Variants in COG5 observed in about 807,000 individuals in gnomAD.
The protein encoded by COG5 is component of oligomeric golgi complex 5, also known as conserved oligomeric Golgi complex subunit 5.
A neutral mutation model predicts 110.4 loss-of-function variants in COG5; 86 were observed. That is an observed-to-expected ratio of 0.78 (90% CI 0.65 to 0.93). The LOEUF (loss-of-function observed/expected upper bound fraction) is 0.93, where lower values mean the gene tolerates loss of function less well. Ranked by LOEUF, COG5 falls within the 40% of genes least tolerant of loss-of-function variation. The pLI is 0.00. For missense variants in COG5, 1,077 were observed against 987.0 expected (o/e 1.09, Z -1.22); for synonymous variants, 360 against 334.6 (o/e 1.08, Z -0.83).
intron 18 of COG5, among the ~76,000 whole-genome samples, chr7:107,235,995 T>C (rs935223635): frequency 6.6e-6 from 1 of 152,192 alleles, no homozygotes; most frequent in Non-Finnish European, 1.5e-5. Context: ...TCAGACTCTA[T>C]GTCTACCTGG....
intron 6 of COG5, among the ~76,000 whole-genome samples, chr7:107,487,847 T>C (rs568387382): frequency 2.5e-4 from 38 of 152,244 alleles, no homozygotes; most frequent in African/African-American, 8.9e-4. Context: ...CATGGCATTA[T>C]GTCCATAATG....
intron 10 of COG5, among the ~76,000 whole-genome samples, chr7:107,353,281 C>T (rs984593442): frequency 5.9e-5 from 9 of 151,644 alleles, no homozygotes; most frequent in African/African-American, 1.5e-4. Context: ...AAAAATTAGC[C>T]GGGCGAGGTG....
At chr7:107,261,631 T>A (rs1803359580) in intron 14 of COG5, among the ~76,000 whole-genome samples, 1 of 152,170 alleles carries the variant, frequency 6.6e-6, no homozygotes, top group South Asian at 2.1e-4. Flanking sequence ...AATATTCAAA[T>A]AGATGATCCT....
intron 14 of COG5, among the ~76,000 whole-genome samples, chr7:107,268,587 C>T (rs1292278644): frequency 6.6e-6 from 1 of 152,152 alleles, no homozygotes; most frequent in Non-Finnish European, 1.5e-5. Context: ...CCCTCTTCCC[C>T]ACCACAGTCT....
At chr7:107,513,190 C>T (rs1432537870) in intron 6 of COG5, among the ~76,000 whole-genome samples, 1 of 152,092 alleles carries the variant, frequency 6.6e-6, no homozygotes, top group Non-Finnish European at 1.5e-5. Flanking sequence ...TGAACTCAAA[C>T]AAATTTACAA....
chr7:107,281,178 T>G, intron 14 of COG5, 122 bp downstream of exon 14: 1 of 759,542 alleles, frequency 1.3e-6, no homozygotes. Context: ...TTACAAACTT[T>G]CACTACAGTA....
chr7:107,368,198 A>T (rs778406627), intron 8 of COG5, among the ~76,000 whole-genome samples: 7 of 152,002 alleles, frequency 4.6e-5, no homozygotes, highest in Non-Finnish European at 8.8e-5. Flanking sequence ...TGGAGGTATC[A>T]ATTAGGATCT....
intron 6 of COG5, among the ~76,000 whole-genome samples, chr7:107,441,365 T>A (rs1374870844): frequency 6.6e-6 from 1 of 152,030 alleles, no homozygotes; most frequent in South Asian, 2.1e-4. Context: ...CTGGGACTTA[T>A]AACTGCCATC....
At position 107,500,575 on chromosome 7, in the gene COG5, A is replaced by C. The variant is rs201226576; in HGVS notation, c.538+26662T>G. 2.6e-4 allele frequency among the ~76,000 whole-genome samples: 40 copies of C among 152,294 alleles called. No homozygotes were observed. In the East Asian group the frequency reaches 7.5e-3, roughly 29 times the overall value. On this transcript the variant is annotated intron_variant, in intron 6 of 21. Coordinates refer to ENST00000297135, the MANE Select transcript of COG5 (RefSeq NM_006348.5). The stretch of plus-strand genomic sequence containing the variant: ...TTTTAGAGAATGGTTTACCAGATAT[A>C]ATAATTTCAGGGTTTTTTCCAACAG...
chr7:107,415,761 T>A (rs1446332898), intron 6 of COG5, among the ~76,000 whole-genome samples: 2 of 145,262 alleles, frequency 1.4e-5, no homozygotes. Flanking sequence ...TATATATGTA[T>A]GTGTGTATAT....
At chr7:107,451,052 A>G (rs922317055) in intron 6 of COG5, among the ~76,000 whole-genome samples, 1 of 152,206 alleles carries the variant, frequency 6.6e-6, no homozygotes, top group African/African-American at 2.4e-5. Context: ...AGAGAACTCC[A>G]ATAGAGAGAA....
chr7:107,241,600 C>T (rs947904996), intron 17 of COG5, among the ~76,000 whole-genome samples: 23 of 151,608 alleles, frequency 1.5e-4, no homozygotes, highest in Non-Finnish European at 2.5e-4. Context: ...TACAGGCGCC[C>T]GCCACCACGC....
chr7:107,277,804 T>A (rs1181574498), intron 14 of COG5, among the ~76,000 whole-genome samples: 1 of 152,150 alleles, frequency 6.6e-6, no homozygotes, highest in African/African-American at 2.4e-5. Context: ...GATTTATCCT[T>A]ACAGAGATTT....
At chr7:107,386,104 C>T (rs1048970644) in intron 7 of COG5, among the ~76,000 whole-genome samples, 1 of 151,654 alleles carries the variant, frequency 6.6e-6, no homozygotes, top group South Asian at 2.1e-4. Flanking sequence ...AAGGTTTTTA[C>T]AAAAGCCTCA....
At chr7:107,410,464 T>C (rs753301651) in intron 7 of COG5, among the ~76,000 whole-genome samples, 3 of 152,106 alleles carry the variant, frequency 2.0e-5, no homozygotes, top group Non-Finnish European at 4.4e-5. Flanking sequence ...GTTTTTGAGA[T>C]GGAGTTTTGC....
chr7:107,270,647 C>T (rs184199469), intron 14 of COG5, among the ~76,000 whole-genome samples: 3 of 148,800 alleles, frequency 2.0e-5, no homozygotes, highest in Admixed American at 6.7e-5. Flanking sequence ...ACACACACAC[C>T]CCTTTACTCC....
intron 6 of COG5, among the ~76,000 whole-genome samples, chr7:107,513,912 A>G (rs10238362): frequency 0.57 from 84,309 of 148,086 alleles, 25,757 homozygotes; most frequent in African/African-American, 0.81. Context: ...GTGGGGGAAG[A>G]GGGGAGGGAA....
At chr7:107,497,166 C>T (rs902521215) in intron 6 of COG5, among the ~76,000 whole-genome samples, 17 of 152,060 alleles carry the variant, frequency 1.1e-4, no homozygotes, top group Admixed American at 9.2e-4. Flanking sequence ...GATATGTCTG[C>T]GCCACTGCCA....
chr7:107,365,944 A>G (rs1420168020), intron 8 of COG5, among the ~76,000 whole-genome samples: 1 of 152,160 alleles, frequency 6.6e-6, no homozygotes, highest in East Asian at 1.9e-4. Context: ...ACTATTCTTC[A>G]ATGAATAGCT....
Sources: gnomAD v4.1 joint callset for allele counts (sites outside exome capture counted in the v4.1 genomes callset) on GRCh38, gnomAD v4.1.1 for gene constraint, MANE v1.5 for transcripts, NCBI Gene and HGNC (gene_info 2026-07-23, HGNC 2026-07-21) for gene names.